The following ATG10 variants were observed in gnomAD, a reference collection of about 807,000 sequenced individuals.
The protein encoded by ATG10 is ubiquitin-like-conjugating enzyme ATG10.
Under a neutral mutation model 32.1 loss-of-function variants are expected in ATG10, and 30 were observed. The ratio of observed to expected loss-of-function variants is 0.94; its 90% confidence interval spans 0.70 to 1.27. The LOEUF is 1.27. Among genes scored for constraint, ATG10 ranks in the 50% most tolerant of loss-of-function variants. The pLI is 0.00. For synonymous variants in ATG10, 87 were observed against 91.5 expected, an observed-to-expected ratio of 0.95 and a Z score of 0.28; for missense variants, 233 against 262.3, an observed-to-expected ratio of 0.89 and a Z score of 0.77.
At chr5:82,158,638 C>A (rs1270212320) in intron 3 of ATG10, among the ~76,000 whole-genome samples, 1 of 151,944 alleles carries the variant, frequency 6.6e-6, no homozygotes, top group Non-Finnish European at 1.5e-5. Context: ...TTTTGGTATC[C>A]TCAGGGTGGG....
At chr5:82,160,194 C>T (rs1285193952) in intron 3 of ATG10, among the ~76,000 whole-genome samples, 3 of 152,168 alleles carry the variant, frequency 2.0e-5, no homozygotes, top group Admixed American at 6.5e-5. Context: ...CTCTGCCCTC[C>T]AGTCCCCCAA....
chr5:82,063,559 C>A (rs955453408), intron 3 of ATG10, among the ~76,000 whole-genome samples: 3 of 150,384 alleles, frequency 2.0e-5, no homozygotes, highest in African/African-American at 7.3e-5. Context: ...GTGGTGTGAT[C>A]TTGGCTCACT....
intron 5 of ATG10, among the ~76,000 whole-genome samples, chr5:82,233,736 C>T (rs1746451290): frequency 6.6e-6 from 1 of 152,212 alleles, no homozygotes; most frequent in South Asian, 2.1e-4. Flanking sequence ...CCTGTCATCT[C>T]TCTGTCCCCA....
rs185653389 is a variant in ATG10, at chr5:82,055,286, G to A, written c.109-3209G>A. Among the ~76,000 whole-genome samples the A allele has an allele frequency of 1.7e-3, 264 of 151,988 alleles. 2 individuals are homozygous for A. Among genetic ancestry groups the A allele is most frequent in the Non-Finnish European group, 3.0e-3 (203 of 67,984 alleles). On this transcript the variant is annotated intron_variant, in intron 2 of 7. Transcript: ENST00000282185. ...CCAAATATAGAGCAAAAAACCCAGC[G>A]TACTTCCGTATCGATAATAAAAAAA...
intron 3 of ATG10, among the ~76,000 whole-genome samples, chr5:82,115,381 A>G (rs1318413570): frequency 1.3e-5 from 2 of 152,034 alleles, no homozygotes; most frequent in Non-Finnish European, 2.9e-5. Context: ...TTGGCTGGAG[A>G]GTAGATGAGA....
intron 2 of ATG10, among the ~76,000 whole-genome samples, chr5:82,033,798 T>G (rs1762814538): frequency 6.6e-6 from 1 of 151,568 alleles, no homozygotes; most frequent in South Asian, 2.1e-4. Flanking sequence ...GTACTATATG[T>G]GTATAGATAC....
intron 5 of ATG10, among the ~76,000 whole-genome samples, chr5:82,197,462 ACC>A (rs1225861292): frequency 1.6e-3 from 34 of 21,326 alleles, no homozygotes; most frequent in African/African-American, 9.1e-3. Flanking sequence ...CTGTCTATCT[ACC>A]TACCTACCTA....
intron 2 of ATG10, among the ~76,000 whole-genome samples, chr5:82,027,866 C>A (rs1031035768): frequency 6.6e-6 from 1 of 152,068 alleles, no homozygotes; most frequent in Non-Finnish European, 1.5e-5. Flanking sequence ...GGAAAAGTTA[C>A]GAGTTGAAGA....
At chr5:82,050,839 C>CAA (rs71000881) in intron 2 of ATG10, among the ~76,000 whole-genome samples, 24 of 36,292 alleles carry the variant, frequency 6.6e-4, no homozygotes, top group African/African-American at 1.3e-3. Flanking sequence ...CCATCTCTAC[C>CAA]AAAAAAAAAA....
At chr5:82,106,140 G>A (rs1196824586) in intron 3 of ATG10, among the ~76,000 whole-genome samples, 1 of 151,944 alleles carries the variant, frequency 6.6e-6, no homozygotes, top group East Asian at 1.9e-4. Flanking sequence ...CAGCATAGAG[G>A]GTAATTGCTC....
At chr5:82,227,948 G>A (rs1336823333) in intron 5 of ATG10, among the ~76,000 whole-genome samples, 1 of 152,196 alleles carries the variant, frequency 6.6e-6, no homozygotes, top group Non-Finnish European at 1.5e-5. Flanking sequence ...GCTTATGCCT[G>A]TAATCCCAGC....
At chr5:81,981,831 A>G (rs1250435415) in intron 1 of ATG10, among the ~76,000 whole-genome samples, 1 of 152,236 alleles carries the variant, frequency 6.6e-6, no homozygotes, top group Non-Finnish European at 1.5e-5. Context: ...ATTAAACAGT[A>G]TGGAGAGTGG....
intron 2 of ATG10, among the ~76,000 whole-genome samples, chr5:81,996,644 A>G (rs1761673113): frequency 6.6e-6 from 1 of 152,220 alleles, no homozygotes; most frequent in Admixed American, 6.5e-5. Flanking sequence ...ATGCATCAAT[A>G]GCAAATGGCA....
At position 82,160,955 on chromosome 5, in the gene ATG10, TA is replaced by T. The variant is rs1015551956; in HGVS notation, c.217-3443del. Among the ~76,000 whole-genome samples, 19 of 152,162 alleles carry T rather than the reference TA, an allele frequency of 1.2e-4. 1 individual carries two copies. Among genetic ancestry groups the T allele is most frequent in the Admixed American group, 1.2e-3 (18 of 15,256 alleles). On this transcript the variant is annotated intron_variant, in intron 3 of 7. Transcript: ENST00000282185. Reference sequence around the variant, plus strand: ...GACTGAAATAGAAAATATTGCTTACTAGGGTTCTCAGCTCTGTACTAGAATC... The same window carrying T: ...GACTGAAATAGAAAATATTGCTTACTGGGTTCTCAGCTCTGTACTAGAATC...
intron 3 of ATG10, among the ~76,000 whole-genome samples, chr5:82,162,576 G>A (rs909895274): frequency 1.3e-5 from 2 of 152,112 alleles, no homozygotes; most frequent in African/African-American, 4.8e-5. Context: ...AGGTATGCAA[G>A]GGTATATGTG....
intron 2 of ATG10, among the ~76,000 whole-genome samples, chr5:82,038,923 C>T (rs1428060985): frequency 2.6e-5 from 4 of 152,208 alleles, no homozygotes; most frequent in Non-Finnish European, 5.9e-5. Flanking sequence ...TCATAGCTCA[C>T]TGTAACCTCA....
chr5:82,172,647 C>G (rs1743850860), intron 4 of ATG10, among the ~76,000 whole-genome samples: 1 of 152,118 alleles, frequency 6.6e-6, no homozygotes, highest in Admixed American at 6.6e-5. Flanking sequence ...GACTTAAACT[C>G]TATAGCCCAT....
At chr5:82,062,441 C>T (rs561521356) in intron 3 of ATG10, among the ~76,000 whole-genome samples, 5 of 152,188 alleles carry the variant, frequency 3.3e-5, no homozygotes, top group Admixed American at 3.3e-4. Context: ...TAGTTCTCTT[C>T]GCCATTTACT....
At chr5:82,032,796 AT>A (rs1371500752) in intron 2 of ATG10, among the ~76,000 whole-genome samples, 2 of 151,558 alleles carry the variant, frequency 1.3e-5, no homozygotes, top group Non-Finnish European at 2.9e-5. Flanking sequence ...GCTAATACTT[AT>A]TTAGTGATTG....
Sources: allele counts gnomAD v4.1 joint callset (sites outside exome capture counted in the v4.1 genomes callset), GRCh38; gene constraint gnomAD v4.1.1; transcripts MANE v1.5; gene names NCBI Gene and HGNC (gene_info 2026-07-23, HGNC 2026-07-21).